Variants in CRYBA1 observed in about 807,000 individuals in gnomAD.
The protein encoded by CRYBA1 is beta-crystallin A3.
A neutral mutation model predicts 36.2 loss-of-function variants in CRYBA1; 25 were observed. That is an observed-to-expected ratio of 0.69 (90% CI 0.50 to 0.97). The LOEUF (loss-of-function observed/expected upper bound fraction) is 0.97, where lower values mean the gene tolerates loss of function less well. CRYBA1 is among the 50% of genes least tolerant of loss of function. The pLI, the probability that CRYBA1 is intolerant of heterozygous loss-of-function variation, is 0.00. For missense variants in CRYBA1, 224 were observed against 276.3 expected, an observed-to-expected ratio of 0.81 and a Z score of 1.34; for synonymous variants, 111 against 90.0, an observed-to-expected ratio of 1.23 and a Z score of -1.32.
Position 29,246,897 on chromosome 17 carries a change from G to A in CRYBA1, c.31+3G>A. On this transcript the variant is annotated splice_donor_region_variant and intron_variant, in intron 1 of 5. Transcript: ENST00000225387. ...CCAGGCTGAGCAGCAGGAGCTGGGT[G>A]AGTAAGGCCCTCAGGGTGCCCTTGC... 2 of 1,610,902 alleles carry A rather than the reference G, an allele frequency of 1.2e-6. No homozygotes were observed. The highest frequency in any genetic ancestry group is 1.7e-6 in the Non-Finnish European group (2 of 1,178,958).
chr17:29,249,554 A>G (rs2068922678), intron 2 of CRYBA1, among the ~76,000 whole-genome samples: 1 of 152,128 alleles, frequency 6.6e-6, no homozygotes, highest in African/African-American at 2.4e-5. Context: ...ATCCCAAATA[A>G]ATTACAGGAC....
chr17:29,251,956 G>A, intron 3 of CRYBA1, 108 bp from the exon 4 acceptor site: 1 of 1,378,632 alleles, frequency 7.3e-7, no homozygotes, highest in Admixed American at 1.7e-5. Context: ...TACTGGGATT[G>A]GCTTGATATT....
At chr17:29,251,519 G>A (rs1176559522) in intron 3 of CRYBA1, among the ~76,000 whole-genome samples, 2 of 151,808 alleles carry the variant, frequency 1.3e-5, no homozygotes, top group Non-Finnish European at 2.9e-5. Context: ...TTGAGGCAAG[G>A]TGTCACTCTG....
chr17:29,247,895 T>A (rs2068910229), intron 1 of CRYBA1, among the ~76,000 whole-genome samples: 2 of 152,134 alleles, frequency 1.3e-5, no homozygotes, highest in Non-Finnish European at 1.5e-5. Context: ...GGCGGGCAGA[T>A]CACCTGAGGT....
chr17:29,250,216 A>G lies in CRYBA1; in HGVS notation c.131A>G (p.Lys44Arg), dbSNP rs1203448240. 1 of 1,611,158 alleles carries G rather than the reference A, an allele frequency of 6.2e-7. No individual in the cohort carries two copies. Among genetic ancestry groups the G allele is most frequent in the South Asian group, 1.1e-5 (1 of 91,032 alleles). ...TIYDQENFQG[K>R]RMEFTSSCPN... The stretch of plus-strand genomic sequence containing the variant: ...TATGATCAGGAGAACTTTCAGGGCA[A>G]GAGGATGGAGTTCACCAGCTCCTGT... The change falls in exon 3 of 6, where the codon AAG becomes AGG. Residue 44 changes from lysine to arginine, a missense_variant. Physicochemically the swap from Lys to Arg is conservative, Grantham distance 26. Coordinates refer to ENST00000225387, the MANE Select transcript of CRYBA1 (RefSeq NM_005208.5).
intron 1 of CRYBA1, 67 bp downstream of exon 1, chr17:29,246,961 G>C: frequency 1.3e-6 from 2 of 1,520,880 alleles, no homozygotes; most frequent in Non-Finnish European, 1.8e-6. Flanking sequence ...GCCCAGGAGA[G>C]GGCCCAGTTC....
chr17:29,253,527 AAATT>A, intron 4 of CRYBA1, 109 bp from the exon 5 acceptor site: 1 of 869,936 alleles, frequency 1.1e-6, no homozygotes, highest in Non-Finnish European at 1.8e-6. Flanking sequence ...TAATCTTTTT[AAATT>A]ATCATGTGCT....
chr17:29,252,582 T>G (rs1265219397), intron 4 of CRYBA1, among the ~76,000 whole-genome samples: 3 of 152,178 alleles, frequency 2.0e-5, no homozygotes, highest in African/African-American at 7.2e-5. Context: ...TGAAGTAACC[T>G]TTCAGTAAGT....
chr17:29,254,451 T>C lies in CRYBA1; in HGVS notation c.*102T>C, dbSNP rs1028511499. On this transcript the variant is annotated 3_prime_UTR_variant, in exon 6 of 6. Coordinates refer to ENST00000225387, the MANE Select transcript of CRYBA1 (RefSeq NM_005208.5). ...TGCTCACAGACATTGCTTTCAAATG[T>C]TAGCTGCTGAAATCCACAATAAACG... The C allele has an allele frequency of 4.7e-6, 6 of 1,281,732 alleles. No individual in the cohort carries two copies. Among genetic ancestry groups the C allele is most frequent in the Non-Finnish European group, 6.8e-6 (6 of 886,238 alleles). 79.4% of individuals were successfully genotyped at this position (1,281,732 alleles called of 1,614,324 possible).
rs148382716 is a variant in CRYBA1 at position 29,250,238 on chromosome 17, C to T, written c.153C>T (p.Ser51=). 39 of 1,613,714 alleles carry T rather than the reference C, an allele frequency of 2.4e-5. No individual in the cohort carries two copies. The highest frequency in any genetic ancestry group is 3.2e-5 in the Non-Finnish European group (38 of 1,179,696). Residue 51 remains serine, a synonymous_variant, in exon 3 of 6, where the codon TCC becomes TCT. Coordinates refer to ENST00000225387, the MANE Select transcript of CRYBA1 (RefSeq NM_005208.5). Reference sequence around the variant, plus strand: ...GCAAGAGGATGGAGTTCACCAGCTCCTGTCCAAATGTCTCTGAGCGCAGTT... The same window carrying T: ...GCAAGAGGATGGAGTTCACCAGCTCTTGTCCAAATGTCTCTGAGCGCAGTT... The part of the protein sequence containing the change: ...FQGKRMEFTS[S]CPNVSERSFD...
intron 1 of CRYBA1, among the ~76,000 whole-genome samples, chr17:29,248,485 C>T (rs2068915105): frequency 6.6e-6 from 1 of 151,478 alleles, no homozygotes; most frequent in Non-Finnish European, 1.5e-5. Flanking sequence ...CTGCCTCAGC[C>T]TCCCGAGTAG....
intron 5 of CRYBA1, 54 bp from the exon 6 acceptor site, chr17:29,254,148 A>G (rs1288653810): frequency 6.3e-7 from 1 of 1,594,194 alleles, no homozygotes. Context: ...GTTTTGGGGT[A>G]TTAACCAGAT....
chr17:29,249,432 C>T (rs1882358183), intron 2 of CRYBA1, among the ~76,000 whole-genome samples: 1 of 152,204 alleles, frequency 6.6e-6, no homozygotes, highest in African/African-American at 2.4e-5. Flanking sequence ...GAGATGATAC[C>T]TAGTTTCCTA....
At chr17:29,251,345 T>C (rs1232606276) in intron 3 of CRYBA1, among the ~76,000 whole-genome samples, 1 of 152,046 alleles carries the variant, frequency 6.6e-6, no homozygotes, top group Non-Finnish European at 1.5e-5. Flanking sequence ...ACTCATAATG[T>C]TTTGAGGAAG....
At chr17:29,251,748 G>A (rs563892416) in intron 3 of CRYBA1, among the ~76,000 whole-genome samples, 1 of 152,098 alleles carries the variant, frequency 6.6e-6, no homozygotes, top group Non-Finnish European at 1.5e-5. Context: ...TGAAGCGTTG[G>A]AACTACAGGC....
intron 4 of CRYBA1, among the ~76,000 whole-genome samples, chr17:29,253,240 C>G (rs1393205339): frequency 6.6e-6 from 1 of 152,214 alleles, no homozygotes; most frequent in African/African-American, 2.4e-5. Context: ...ATGTCCCCTA[C>G]TGGACATACA....
intron 1 of CRYBA1, among the ~76,000 whole-genome samples, chr17:29,247,547 T>C (rs1364209487): frequency 6.6e-6 from 1 of 152,246 alleles, no homozygotes; most frequent in Admixed American, 6.5e-5. Flanking sequence ...GTAAGTATTA[T>C]AACTCTTTTC....
chr17:29,247,126 A>G (rs548077316), intron 1 of CRYBA1, among the ~76,000 whole-genome samples: 2 of 152,380 alleles, frequency 1.3e-5, no homozygotes, highest in Non-Finnish European at 2.9e-5. Context: ...TGGGCCCCCA[A>G]GAAACGAGCA....
Position 29,254,340 on chromosome 17 carries a change from C to T in CRYBA1, c.639C>T (p.Ile213=). ...QTSQIQSIRR[I]QQ is the part of the protein sequence containing the mutation. ...CGCAGATCCAATCGATTCGCCGAAT[C>T]CAACAGTAGCTGATTAAAAGCTCCA... The change falls in exon 6 of 6, where the codon ATC becomes ATT. Residue 213 remains isoleucine (I), a synonymous_variant. Coordinates refer to ENST00000225387, the MANE Select transcript of CRYBA1 (RefSeq NM_005208.5). The T allele has an allele frequency of 1.2e-6, 2 of 1,614,114 alleles. No homozygotes were observed. Among genetic ancestry groups the T allele is most frequent in the Non-Finnish European group, 1.7e-6 (2 of 1,180,020 alleles).
Sources: gnomAD v4.1 joint callset for allele counts (sites outside exome capture counted in the v4.1 genomes callset) on GRCh38, gnomAD v4.1.1 for gene constraint, MANE v1.5 for transcripts, NCBI Gene and HGNC (gene_info 2026-07-23, HGNC 2026-07-21) for gene names.